The following HMGB1 variants were observed in gnomAD, a reference collection of about 807,000 sequenced individuals.
HMGB1 encodes high mobility group protein B1.
For synonymous variants in HMGB1, 81 were observed against 84.0 expected, an observed-to-expected ratio of 0.96 and a Z score of 0.19; for missense variants, 79 against 253.5, an observed-to-expected ratio of 0.31 and a Z score of 4.67.
intron 1 of HMGB1, among the ~76,000 whole-genome samples, chr13:30,575,172 G>T (rs1361710823): frequency 1.3e-5 from 2 of 152,144 alleles, no homozygotes; most frequent in African/African-American, 2.4e-5. Context: ...TTAAGTTCAT[G>T]CTTATGTAGT....
At chr13:30,465,687 T>C in intron 1 of HMGB1, 109 bp downstream of exon 1, 1 of 433,494 alleles carries the variant, frequency 2.3e-6, no homozygotes, top group Non-Finnish European at 3.1e-6. Flanking sequence ...CTCATTTGCC[T>C]TTGTGTGGAT....
chr13:30,477,537 CCTGT>C (rs751593427), intron 1 of HMGB1, among the ~76,000 whole-genome samples: 16 of 152,194 alleles, frequency 1.1e-4, no homozygotes, highest in Non-Finnish European at 2.2e-4. Flanking sequence ...ACACAGTGGG[CCTGT>C]CCCAAGCCCA....
chr13:30,528,135 G>A (rs1329834704), intron 1 of HMGB1, among the ~76,000 whole-genome samples: 1 of 152,206 alleles, frequency 6.6e-6, no homozygotes, highest in African/African-American at 2.4e-5. Flanking sequence ...CAGCGCCAGT[G>A]ACCAGGCAAC....
chr13:30,598,633 C>T (rs1366116993), intron 1 of HMGB1, among the ~76,000 whole-genome samples: 1 of 152,078 alleles, frequency 6.6e-6, no homozygotes, highest in Non-Finnish European at 1.5e-5. Context: ...GGCCTATATG[C>T]ATGTATGTTG....
chr13:30,512,609 A>G (rs1462505716), intron 1 of HMGB1, among the ~76,000 whole-genome samples: 1 of 152,260 alleles, frequency 6.6e-6, no homozygotes, highest in East Asian at 1.9e-4. Context: ...ATTGGCCTTC[A>G]GCTGCATACA....
chr13:30,474,937 T>C (rs1331194262), intron 1 of HMGB1, among the ~76,000 whole-genome samples: 9 of 129,356 alleles, frequency 7.0e-5, no homozygotes, highest in East Asian at 2.4e-4. Context: ...CTCTTTCTCT[T>C]TTTTTTTTCT....
chr13:30,562,605 G>C (rs1275228817), intron 1 of HMGB1, among the ~76,000 whole-genome samples: 1 of 152,152 alleles, frequency 6.6e-6, no homozygotes, highest in East Asian at 1.9e-4. Context: ...CATAATAGAA[G>C]TATAAATTAT....
At chr13:30,612,141 T>C (rs1950518185) in intron 1 of HMGB1, among the ~76,000 whole-genome samples, 2 of 151,590 alleles carry the variant, frequency 1.3e-5, no homozygotes, top group African/African-American at 2.4e-5. Flanking sequence ...CAAAAATATA[T>C]GTGTATGTGT....
intron 1 of HMGB1, among the ~76,000 whole-genome samples, chr13:30,489,098 A>G (rs1232869094): frequency 6.6e-6 from 1 of 152,180 alleles, no homozygotes; most frequent in Non-Finnish European, 1.5e-5. Context: ...AGTGACTTTA[A>G]GGGAGCAGGC....
intron 1 of HMGB1, among the ~76,000 whole-genome samples, chr13:30,606,137 C>G (rs1950455991): frequency 6.6e-6 from 1 of 152,092 alleles, no homozygotes; most frequent in South Asian, 2.1e-4. Flanking sequence ...AAGACCTGTC[C>G]TATAGAATAA....
intron 1 of HMGB1, among the ~76,000 whole-genome samples, chr13:30,535,120 G>A (rs1888583853): frequency 6.6e-6 from 1 of 152,156 alleles, no homozygotes; most frequent in Non-Finnish European, 1.5e-5. Flanking sequence ...CTTTGGATAA[G>A]GAGGGTCCTC....
Position 30,521,217 on chromosome 13 carries a change from G to A in HMGB1, c.-14-57523C>T, listed in dbSNP as rs544263082. On this transcript the variant is annotated intron_variant, in intron 1 of 4. Transcript: ENST00000405805. ...TGTTGCCCTTATTTTTTCCCAGAAC[G>A]GTTTTATTGAAATGAAATTCACATA... Among the ~76,000 whole-genome samples, 15 of 152,106 alleles carry A rather than the reference G, an allele frequency of 9.9e-5. No individual in the cohort carries two copies. The East Asian group carries it at 1.5e-3, about 16-fold the overall frequency.
intron 1 of HMGB1, among the ~76,000 whole-genome samples, chr13:30,610,771 T>A (rs1338367128): frequency 6.6e-6 from 1 of 151,708 alleles, no homozygotes. Context: ...AAGGTCTATA[T>A]TGCTTAGCAA....
chr13:30,519,598 G>T (rs561044601), intron 1 of HMGB1, among the ~76,000 whole-genome samples: 2 of 151,684 alleles, frequency 1.3e-5, no homozygotes, highest in South Asian at 4.2e-4. Context: ...TACTTGGGAG[G>T]CTGAGGCAGG....
chr13:30,558,816 C>G (rs1002484343), intron 1 of HMGB1, among the ~76,000 whole-genome samples: 1 of 152,118 alleles, frequency 6.6e-6, no homozygotes, highest in Non-Finnish European at 1.5e-5. Flanking sequence ...AATTCTTGGG[C>G]CCCACCCCAG....
intron 1 of HMGB1, among the ~76,000 whole-genome samples, chr13:30,586,376 C>T (rs1451446616): frequency 6.6e-6 from 1 of 151,996 alleles, no homozygotes; most frequent in Non-Finnish European, 1.5e-5. Context: ...AAAGACTGAA[C>T]CTAGTTTTTT....
At chr13:30,461,558 A>G in intron 4 of HMGB1, 25 bp from the exon 5 acceptor site, 1 of 1,573,922 alleles carries the variant, frequency 6.4e-7, no homozygotes, top group Non-Finnish European at 8.6e-7. Flanking sequence ...GGAGGATAAA[A>G]CAGTAGGGAA....
At chr13:30,616,744 A>T (rs1223392512) in exon 1 of HMGB1, 1 of 152,192 alleles carries the variant, frequency 6.6e-6, no homozygotes, top group East Asian at 1.9e-4. Context: ...AAGTACCAAA[A>T]ACTAAAATCC....
intron 1 of HMGB1, among the ~76,000 whole-genome samples, chr13:30,552,299 A>G (rs1566023127): frequency 6.6e-6 from 1 of 152,090 alleles, no homozygotes; most frequent in Non-Finnish European, 1.5e-5. Context: ...ATGACACTTT[A>G]CTCTTAAATT....
Sources: gnomAD v4.1 joint callset for allele counts (sites outside exome capture counted in the v4.1 genomes callset) on GRCh38, gnomAD v4.1.1 for gene constraint, MANE v1.5 for transcripts, NCBI Gene and HGNC (gene_info 2026-07-23, HGNC 2026-07-21) for gene names.